The following PDZRN3 variants were observed in gnomAD, a reference collection of about 807,000 sequenced individuals.
PDZRN3 encodes the protein E3 ubiquitin-protein ligase PDZRN3.
PDZRN3 carries 38 observed loss-of-function variants against 85.7 expected under a neutral mutation model. The observed-to-expected ratio is 0.44, with a 90% CI of 0.34 to 0.58. PDZRN3 has a LOEUF of 0.58. Among genes scored for constraint, PDZRN3 ranks in the 20% least tolerant of loss-of-function variants. PDZRN3 has a pLI of 0.01. For synonymous variants in PDZRN3, 759 were observed against 638.0 expected, an observed-to-expected ratio of 1.19 and a Z score of -2.86; for missense variants, 1,629 against 1,506.4, an observed-to-expected ratio of 1.08 and a Z score of -1.35.
At position 73,383,287 on chromosome 3, in the gene PDZRN3, C is replaced by T; in HGVS notation, c.*78G>A. The T allele has an allele frequency of 7.3e-7, 1 of 1,362,702 alleles. No individual in the cohort carries two copies. The highest frequency in any genetic ancestry group is 1.0e-6 in the Non-Finnish European group (1 of 991,946). The allele number at this position is 1,362,702 out of a possible 1,614,324, so 84.4% of individuals were successfully genotyped here. A position where few individuals can be genotyped will look rare whatever the true frequency, so the allele number is the denominator to read the frequency against. On this transcript the variant is annotated 3_prime_UTR_variant, in exon 10 of 10. Coordinates refer to ENST00000263666, the MANE Select transcript of PDZRN3 (RefSeq NM_015009.3). Reference sequence around the variant, plus strand: ...ACCGTACTTATCTTATATACAAAAACTTGCCGCATTGAACGAGGCAGGAAT... The same window carrying T: ...ACCGTACTTATCTTATATACAAAAATTTGCCGCATTGAACGAGGCAGGAAT...
chr3:73,536,923 T>C (rs574104405), intron 3 of PDZRN3, among the ~76,000 whole-genome samples: 83 of 152,302 alleles, frequency 5.4e-4, no homozygotes, highest in African/African-American at 1.9e-3. Flanking sequence ...TCGTTGCATA[T>C]AATCCAGGCC....
intron 1 of PDZRN3, among the ~76,000 whole-genome samples, chr3:73,613,018 G>A (rs1238819022): frequency 6.6e-6 from 1 of 152,190 alleles, no homozygotes; most frequent in Non-Finnish European, 1.5e-5. Context: ...TCTAGGCAAT[G>A]GAGAATGCCT....
chr3:73,608,258 G>A (rs1310004306), intron 2 of PDZRN3, among the ~76,000 whole-genome samples: 1 of 152,114 alleles, frequency 6.6e-6, no homozygotes, highest in Non-Finnish European at 1.5e-5. Context: ...GGTCTAGGAC[G>A]GTGGCTGGTT....
At position 73,428,919 on chromosome 3, in the gene PDZRN3, G is replaced by T. The variant is rs567466799; in HGVS notation, c.919-24524C>A. ...GTTTTTTTTTTCCCCCAGAGAAGGG[G>T]TCTTGCTCTGTCACTGTCACCCAGG... On this transcript the variant is annotated intron_variant, in intron 3 of 9. Transcript: ENST00000263666. Among the ~76,000 whole-genome samples the T allele has an allele frequency of 1.3e-4, 19 of 151,974 alleles. No homozygotes were observed. The South Asian group carries it at 3.7e-3, about 30-fold the overall frequency.
At chr3:73,549,572 C>A (rs890190753) in intron 3 of PDZRN3, among the ~76,000 whole-genome samples, 3 of 152,076 alleles carry the variant, frequency 2.0e-5, no homozygotes, top group African/African-American at 7.2e-5. Context: ...TCCTTTGTTG[C>A]CAAACATTTC....
intron 1 of PDZRN3, among the ~76,000 whole-genome samples, chr3:73,612,059 A>G (rs1418867035): frequency 6.6e-6 from 1 of 152,200 alleles, no homozygotes; most frequent in African/African-American, 2.4e-5. Flanking sequence ...AATTTAACCA[A>G]TATTGGTCTG....
chr3:73,428,907 C>G (rs1702374496), intron 3 of PDZRN3, among the ~76,000 whole-genome samples: 1 of 151,320 alleles, frequency 6.6e-6, no homozygotes, highest in Non-Finnish European at 1.5e-5. Context: ...TTTTTTTTCC[C>G]CCAGAGAAGG....
intron 1 of PDZRN3, among the ~76,000 whole-genome samples, chr3:73,611,807 G>C: frequency 6.6e-6 from 1 of 152,142 alleles, no homozygotes; most frequent in East Asian, 1.9e-4. Context: ...ATTGTAAACA[G>C]ATAGTCTTCA....
At chr3:73,533,411 A>C (rs1704705126) in intron 3 of PDZRN3, among the ~76,000 whole-genome samples, 1 of 152,196 alleles carries the variant, frequency 6.6e-6, no homozygotes, top group African/African-American at 2.4e-5. Context: ...AACAAATTTC[A>C]ATTACTTTCA....
intron 3 of PDZRN3, chr3:73,569,432 TCACG>T: frequency 8.7e-7 from 1 of 1,147,138 alleles, no homozygotes; most frequent in Non-Finnish European, 1.1e-6. Context: ...CTCTTCCATG[TCACG>T]TTCTCTTAAG....
intron 3 of PDZRN3, among the ~76,000 whole-genome samples, chr3:73,566,409 C>A (rs1701951345): frequency 6.6e-6 from 1 of 152,164 alleles, no homozygotes; most frequent in Non-Finnish European, 1.5e-5. Flanking sequence ...ATAAAATTCT[C>A]TTAGAAAATT....
intron 2 of PDZRN3, among the ~76,000 whole-genome samples, chr3:73,606,563 T>C (rs1702601811): frequency 6.6e-6 from 1 of 152,146 alleles, no homozygotes; most frequent in African/African-American, 2.4e-5. Flanking sequence ...AATAAAAATA[T>C]ACCAACCTCA....
intron 2 of PDZRN3, among the ~76,000 whole-genome samples, chr3:73,603,380 C>G (rs1054316509): frequency 4.6e-5 from 7 of 152,216 alleles, no homozygotes; most frequent in African/African-American, 1.7e-4. Context: ...AAGGCTCCAA[C>G]AAGCTCATAA....
chr3:73,418,827 C>T (rs546238638), intron 3 of PDZRN3, among the ~76,000 whole-genome samples: 6 of 152,288 alleles, frequency 3.9e-5, no homozygotes, highest in South Asian at 4.1e-4. Flanking sequence ...GCCTTGCCTG[C>T]GTTCACCTGG....
chr3:73,421,589 C>T (rs1299567689), intron 3 of PDZRN3, among the ~76,000 whole-genome samples: 1 of 152,190 alleles, frequency 6.6e-6, no homozygotes, highest in South Asian at 2.1e-4. Context: ...GATGAACTTC[C>T]ACTTGAGCAA....
intron 5 of PDZRN3, among the ~76,000 whole-genome samples, chr3:73,398,269 A>G (rs1341523947): frequency 6.6e-6 from 1 of 152,142 alleles, no homozygotes; most frequent in Non-Finnish European, 1.5e-5. Context: ...TGTGGACAAT[A>G]TTCGTGACTT....
Position 73,383,835 on chromosome 3 carries a change from A to G in PDZRN3, c.2731T>C (p.Ser911Pro). ...ATGCGCGGCTCCGACGGGGTGGGAG[A>G]GCTCAGGTCCTTGCACATGCTCACC... is the stretch of plus-strand genomic sequence containing the variant. ...SLVSMCKDLS[S>P]PTPSEPRMEW... Residue 911 changes from serine (S) to proline (P), a missense_variant, in exon 10 of 10, where the codon TCT becomes CCT. Coordinates refer to ENST00000263666, the MANE Select transcript of PDZRN3 (RefSeq NM_015009.3). 9 of 1,613,400 alleles carry G rather than the reference A, an allele frequency of 5.6e-6. No homozygotes were observed. Among genetic ancestry groups the G allele is most frequent in the Non-Finnish European group, 7.6e-6 (9 of 1,179,928 alleles).
chr3:73,406,735 A>G (rs1454510336), intron 3 of PDZRN3, among the ~76,000 whole-genome samples: 1 of 152,226 alleles, frequency 6.6e-6, no homozygotes, highest in Admixed American at 6.5e-5. Flanking sequence ...CCAAAAAGGA[A>G]TAAGAATGGG....
chr3:73,501,820 G>C (rs1395628631), intron 3 of PDZRN3, among the ~76,000 whole-genome samples: 1 of 152,076 alleles, frequency 6.6e-6, no homozygotes, highest in East Asian at 1.9e-4. Context: ...TTCAAGAACA[G>C]CCTGGCCAAC....
Sources: gnomAD v4.1 joint callset for allele counts (sites outside exome capture counted in the v4.1 genomes callset) on GRCh38, gnomAD v4.1.1 for gene constraint, MANE v1.5 for transcripts, NCBI Gene and HGNC (gene_info 2026-07-23, HGNC 2026-07-21) for gene names.